Variants in MYO18B observed in about 807,000 individuals in gnomAD.
The protein encoded by MYO18B is unconventional myosin-XVIIIb.
MYO18B carries 204 observed loss-of-function variants against 273.0 expected under a neutral mutation model. That is an observed-to-expected ratio of 0.75 (90% CI 0.67 to 0.84). The LOEUF is 0.84. Among genes scored for constraint, MYO18B ranks in the 40% least tolerant of loss-of-function variants. MYO18B has a pLI of 0.00. For missense variants in MYO18B, 3,212 were observed against 3,287.6 expected (o/e 0.98, Z 0.56); for synonymous variants, 1,330 against 1,305.7 (o/e 1.02, Z -0.40).
intron 39 of MYO18B, among the ~76,000 whole-genome samples, chr22:25,967,276 C>CA (rs2092989695): frequency 6.6e-6 from 1 of 151,990 alleles, no homozygotes; most frequent in Admixed American, 6.6e-5. Context: ...CAAATAAATC[C>CA]AATTTATATT....
At chr22:25,816,439 G>A (rs1388394590) in intron 12 of MYO18B, among the ~76,000 whole-genome samples, 2 of 152,104 alleles carry the variant, frequency 1.3e-5, no homozygotes, top group Admixed American at 6.6e-5. Context: ...TTGGTTTGCT[G>A]CACACATCGA....
At chr22:25,789,321 T>A (rs572178424) in intron 11 of MYO18B, among the ~76,000 whole-genome samples, 1,759 of 37,526 alleles carry the variant, frequency 0.047, 15 homozygotes, top group Non-Finnish European at 0.078. Context: ...TAATGAAGCA[T>A]CTGTTTAAAA....
chr22:25,776,252 C>G (rs1182687154), intron 7 of MYO18B, among the ~76,000 whole-genome samples: 1 of 152,200 alleles, frequency 6.6e-6, no homozygotes, highest in Admixed American at 6.5e-5. Context: ...TGATGCACTA[C>G]TGTGCTTATT....
chr22:25,977,633 A>T (rs2093105788), intron 39 of MYO18B, among the ~76,000 whole-genome samples: 2 of 152,124 alleles, frequency 1.3e-5, no homozygotes, highest in Admixed American at 6.5e-5. Context: ...AGTGGAGAGA[A>T]TGAGGGGCAC....
chr22:25,846,096 C>A lies in MYO18B; in HGVS notation c.3369-4C>A. 6.5e-7 allele frequency: 1 copy of A among 1,537,276 alleles called. No homozygotes were observed. Among genetic ancestry groups the A allele is most frequent in the Non-Finnish European group, 8.7e-7 (1 of 1,146,874 alleles). Reference sequence around the variant, plus strand: ...TCCTCTCTCTTTTCCCTCCTCCCCACCAGAGAGGAGCTGCGGAGTCTATTC... The same window carrying A: ...TCCTCTCTCTTTTCCCTCCTCCCCAACAGAGAGGAGCTGCGGAGTCTATTC... On this transcript the variant is annotated splice_polypyrimidine_tract_variant and splice_region_variant and intron_variant, in intron 18 of 43. Coordinates refer to ENST00000335473, the MANE Select transcript of MYO18B (RefSeq NM_032608.7).
chr22:26,042,870 C>T, the MYO18B span, among the ~76,000 whole-genome samples: 1 of 152,180 alleles, frequency 6.6e-6, no homozygotes, highest in Admixed American at 6.5e-5. Context: ...GTGCCTGGTA[C>T]ACAACAAAGC....
chr22:26,035,076 CCTT>C (rs1200119155), downstream of MYO18B, among the ~76,000 whole-genome samples: 1 of 152,318 alleles, frequency 6.6e-6, no homozygotes, highest in South Asian at 2.1e-4. Context: ...TACAGGTCAT[CCTT>C]CTGTGTCTGC....
Position 25,910,958 on chromosome 22 carries a change from G to A in MYO18B, c.5272G>A (p.Glu1758Lys), listed in dbSNP as rs933991735. The change falls in exon 33 of 44, where the codon GAA becomes AAA. Residue 1758 changes from glutamate (E) to lysine (K), a missense_variant. By Grantham distance (56) the Glu-to-Lys change is moderately conservative. Coordinates refer to ENST00000335473, the MANE Select transcript of MYO18B (RefSeq NM_032608.7). ...TGTGTATCCACAGCTTCATCAGCTG[G>A]AAATGCAGCTGGAGCAAGAGTATGA... ...QSCQKRLHQL[E>K]MQLEQEYEEK... 1.9e-6 allele frequency: 3 copies of A among 1,594,184 alleles called. No individual in the cohort carries two copies. The highest frequency in any genetic ancestry group is 2.6e-6 in the Non-Finnish European group (3 of 1,169,990).
intron 11 of MYO18B, among the ~76,000 whole-genome samples, chr22:25,788,238 T>C (rs12628523): frequency 0.031 from 4,793 of 152,282 alleles, 347 homozygotes; most frequent in East Asian, 0.26. Context: ...TGAAAATTCA[T>C]TGGTCTTTGA....
At chr22:26,037,468 T>C in the MYO18B span, among the ~76,000 whole-genome samples, 2 of 152,162 alleles carry the variant, frequency 1.3e-5, no homozygotes, top group African/African-American at 4.8e-5. Context: ...CTTCATTCAG[T>C]GCTCTTCCTA....
At chr22:25,808,135 A>G (rs2088568947) in intron 12 of MYO18B, among the ~76,000 whole-genome samples, 1 of 151,992 alleles carries the variant, frequency 6.6e-6, no homozygotes. Flanking sequence ...CCTTCTTCCT[A>G]CAGAAGAGTA....
At chr22:25,955,486 C>T (rs1569233866) in intron 39 of MYO18B, 122 bp downstream of exon 39, 9 of 1,035,664 alleles carry the variant, frequency 8.7e-6, no homozygotes, top group Middle Eastern at 3.4e-4. Context: ...CAGGGGTGTG[C>T]GGAAAGCCAG....
At chr22:25,942,794 T>A (rs954045474) in intron 34 of MYO18B, among the ~76,000 whole-genome samples, 1 of 152,098 alleles carries the variant, frequency 6.6e-6, no homozygotes, top group East Asian at 1.9e-4. Flanking sequence ...AGGGCCAAGA[T>A]AATCCTATCT....
intron 37 of MYO18B, 110 bp downstream of exon 37, chr22:25,950,560 ATTGT>A (rs1218679835): frequency 6.2e-5 from 9 of 144,218 alleles, no homozygotes; most frequent in African/African-American, 1.6e-4. Flanking sequence ...GTATGAGTTT[ATTGT>A]TTGTTTATTT....
intron 8 of MYO18B, among the ~76,000 whole-genome samples, chr22:25,778,796 CT>C (rs35841570): frequency 1.4e-5 from 2 of 146,866 alleles, no homozygotes. Flanking sequence ...CCAACCTGAA[CT>C]TTTTTTTTTT....
At chr22:25,982,755 AC>A (rs1480944780) in intron 39 of MYO18B, among the ~76,000 whole-genome samples, 1 of 152,224 alleles carries the variant, frequency 6.6e-6, no homozygotes, top group African/African-American at 2.4e-5. Flanking sequence ...AGAATCCAGG[AC>A]AATCTCCCCC....
At chr22:25,809,465 G>A (rs78532043) in intron 12 of MYO18B, among the ~76,000 whole-genome samples, 10,012 of 152,192 alleles carry the variant, frequency 0.066, 578 homozygotes, top group East Asian at 0.21. Flanking sequence ...GGGTTATTTA[G>A]TTTATTTGTC....
intron 39 of MYO18B, among the ~76,000 whole-genome samples, chr22:25,961,844 C>T (rs1023671897): frequency 6.6e-5 from 10 of 152,162 alleles, no homozygotes; most frequent in Non-Finnish European, 1.2e-4. Context: ...CTCATGGTAA[C>T]GAGTGAGTTC....
intron 38 of MYO18B, 113 bp from the exon 39 acceptor site, chr22:25,955,066 C>A: frequency 8.8e-7 from 1 of 1,135,654 alleles, no homozygotes; most frequent in Non-Finnish European, 1.2e-6. Flanking sequence ...GTATTCTTAT[C>A]CTGATTATGA....
Sources: gnomAD v4.1 joint callset for allele counts (sites outside exome capture counted in the v4.1 genomes callset) on GRCh38, gnomAD v4.1.1 for gene constraint, MANE v1.5 for transcripts, NCBI Gene and HGNC (gene_info 2026-07-23, HGNC 2026-07-21) for gene names.